The following TRDMT1 variants were observed in gnomAD, a reference collection of about 807,000 sequenced individuals.
TRDMT1 encodes tRNA aspartic acid methyltransferase 1, also known as tRNA (cytosine(38)-C(5))-methyltransferase.
A neutral mutation model predicts 51.2 loss-of-function variants in TRDMT1; 49 were observed. The observed-to-expected ratio is 0.96, with a 90% CI of 0.76 to 1.21. The LOEUF is 1.21. TRDMT1 is among the 50% of genes most tolerant of loss of function. The probability of loss-of-function intolerance (pLI) is 0.00; values close to 1 mark genes in which losing one functional copy is unlikely to be tolerated. For missense variants in TRDMT1, 534 were observed against 462.3 expected, an observed-to-expected ratio of 1.16 and a Z score of -1.42; for synonymous variants, 187 against 164.6, an observed-to-expected ratio of 1.14 and a Z score of -1.04.
At chr10:17,156,327 C>T (rs962643919) in intron 8 of TRDMT1, among the ~76,000 whole-genome samples, 2 of 151,940 alleles carry the variant, frequency 1.3e-5, no homozygotes, top group Non-Finnish European at 1.5e-5. Flanking sequence ...CTCTGCCCCC[C>T]AGATTCAAGC....
At chr10:17,189,724 T>C (rs1310912395) in intron 1 of TRDMT1, among the ~76,000 whole-genome samples, 1 of 152,156 alleles carries the variant, frequency 6.6e-6, no homozygotes, top group Non-Finnish European at 1.5e-5. Context: ...TAATTTAAAA[T>C]CATATGCTAA....
chr10:17,165,316 T>C (rs1015377841), intron 3 of TRDMT1, among the ~76,000 whole-genome samples: 2 of 152,332 alleles, frequency 1.3e-5, no homozygotes, highest in Admixed American at 6.5e-5. Flanking sequence ...TGGCTAGCCA[T>C]ATGTAGAAAG....
chr10:17,171,458 G>A (rs979898852), intron 2 of TRDMT1: 1 of 152,238 alleles, frequency 6.6e-6, no homozygotes, highest in African/African-American at 2.4e-5. Context: ...GGAACCGAGA[G>A]AGTGGCATTG....
chr10:17,192,584 T>C (rs940961012), intron 1 of TRDMT1, among the ~76,000 whole-genome samples: 1 of 152,194 alleles, frequency 6.6e-6, no homozygotes. Context: ...AGGTGTGCTC[T>C]CCTTCCCCGC....
In TRDMT1 at chr10:17,142,345, A is replaced by G. The variant is rs1444383204; in HGVS notation, c.*6695T>C. 2.6e-5 allele frequency: 4 copies of G among 152,080 alleles called. No homozygotes were observed. The highest frequency in any genetic ancestry group is 5.9e-5 in the Non-Finnish European group (4 of 68,016). The allele number at this position is 152,080 out of a possible 1,614,324, so 9.4% of individuals were successfully genotyped here. On this transcript the variant is annotated 3_prime_UTR_variant, in exon 11 of 11. Coordinates refer to ENST00000377799, the MANE Select transcript of TRDMT1 (RefSeq NM_004412.7). Reference sequence around the variant, plus strand: ...TTTTGTGGGCTATGAGTCCAGTGGTAATTTAGTTTTTAAAGCCTTTGCAGT... The same window carrying G: ...TTTTGTGGGCTATGAGTCCAGTGGTGATTTAGTTTTTAAAGCCTTTGCAGT...
chr10:17,180,133 G>C (rs916283831), intron 1 of TRDMT1, among the ~76,000 whole-genome samples: 2 of 152,142 alleles, frequency 1.3e-5, no homozygotes, highest in African/African-American at 2.4e-5. Context: ...ACTGATACAA[G>C]AGAAATGCTC....
chr10:17,178,634 C>T (rs1241669544), intron 1 of TRDMT1, among the ~76,000 whole-genome samples: 2 of 148,200 alleles, frequency 1.3e-5, no homozygotes, highest in Admixed American at 1.3e-4. Flanking sequence ...TGAGATTGCA[C>T]CATTGCACTC....
chr10:17,156,081 G>C (rs73604272), intron 8 of TRDMT1, among the ~76,000 whole-genome samples: 9,853 of 152,062 alleles, frequency 0.065, 1,037 homozygotes, highest in African/African-American at 0.22. Context: ...GAATGACTCT[G>C]GTATGGTTCT....
chr10:17,156,615 A>G (rs957286799), intron 8 of TRDMT1, among the ~76,000 whole-genome samples: 1 of 152,176 alleles, frequency 6.6e-6, no homozygotes, highest in Non-Finnish European at 1.5e-5. Context: ...TGTTCAAGTA[A>G]TAACCCAAAG....
intron 1 of TRDMT1, among the ~76,000 whole-genome samples, chr10:17,193,133 G>A (rs1844920050): frequency 6.6e-6 from 1 of 152,174 alleles, no homozygotes; most frequent in African/African-American, 2.4e-5. Flanking sequence ...GGAGGTTGGG[G>A]TGGGCTGATC....
rs2131361059 is a variant in TRDMT1 at position 17,146,990 on chromosome 10, C to G, written c.*2050G>C. ...ACATTCCCATAATTTAAGAATTCCACTAAGCTACATTCTGTCTACCAGTTT... is the reference window on the plus strand; with the variant it reads ...ACATTCCCATAATTTAAGAATTCCAGTAAGCTACATTCTGTCTACCAGTTT... On this transcript the variant is annotated 3_prime_UTR_variant, in exon 11 of 11. Transcript: ENST00000377799. The G allele has an allele frequency of 1.0e-6, 1 of 985,510 alleles. No homozygotes were observed. Among genetic ancestry groups the G allele is most frequent in the East Asian group, 1.1e-4 (1 of 8,814 alleles). 61.0% of individuals were successfully genotyped at this position (985,510 alleles called of 1,614,324 possible).
rs866766778 is a variant in TRDMT1 at position 17,145,048 on chromosome 10, G to A, written c.*3992C>T. On this transcript the variant is annotated 3_prime_UTR_variant, in exon 11 of 11. Coordinates refer to ENST00000377799, the MANE Select transcript of TRDMT1 (RefSeq NM_004412.7). ...TGGATTAACTTGAGGTCAGGTGTTCGAGACCAGCCTGGCCAACATGGTGAA... is the reference window on the plus strand; with the variant it reads ...TGGATTAACTTGAGGTCAGGTGTTCAAGACCAGCCTGGCCAACATGGTGAA... 1.6e-4 allele frequency: 142 copies of A among 864,276 alleles called. No individual in the cohort carries two copies. Among genetic ancestry groups the A allele is most frequent in the Middle Eastern group, 1.2e-3 (2 of 1,692 alleles). 53.5% of individuals were successfully genotyped at this position (864,276 alleles called of 1,614,324 possible). A position where few individuals can be genotyped will look rare whatever the true frequency, so the allele number is the denominator to read the frequency against.
At chr10:17,159,464 T>C (rs896142905) in intron 6 of TRDMT1, among the ~76,000 whole-genome samples, 2 of 152,154 alleles carry the variant, frequency 1.3e-5, no homozygotes, top group Non-Finnish European at 2.9e-5. Flanking sequence ...GACAAATATA[T>C]CTACAAGTCA....
intron 2 of TRDMT1, among the ~76,000 whole-genome samples, chr10:17,173,252 AC>A (rs1378026554): frequency 3.3e-5 from 5 of 152,202 alleles, no homozygotes; most frequent in Non-Finnish European, 7.3e-5. Context: ...TTGCAACTTT[AC>A]TTGTAATGGT....
At chr10:17,191,138 G>A (rs1844629154) in intron 1 of TRDMT1, among the ~76,000 whole-genome samples, 1 of 152,146 alleles carries the variant, frequency 6.6e-6, no homozygotes, top group Admixed American at 6.5e-5. Flanking sequence ...GGAGGCCAGG[G>A]AGCCTGGAGT....
At chr10:17,162,958 T>G (rs1250880084) in intron 3 of TRDMT1, among the ~76,000 whole-genome samples, 1 of 152,204 alleles carries the variant, frequency 6.6e-6, no homozygotes, top group Admixed American at 6.5e-5. Context: ...GCTGGCTGAC[T>G]ACACTTTTTG....
intron 8 of TRDMT1, among the ~76,000 whole-genome samples, chr10:17,155,574 T>C (rs1259639069): frequency 6.6e-6 from 1 of 152,126 alleles, no homozygotes; most frequent in Non-Finnish European, 1.5e-5. Context: ...TTATGATCAC[T>C]TTCATACAAC....
intron 1 of TRDMT1, among the ~76,000 whole-genome samples, chr10:17,193,080 G>A (rs1193418687): frequency 6.6e-6 from 1 of 152,058 alleles, no homozygotes; most frequent in East Asian, 1.9e-4. Context: ...AAGAAATAAA[G>A]GAGCCAGGCA....
At chr10:17,196,243 G>C (rs1323095264) in intron 1 of TRDMT1, among the ~76,000 whole-genome samples, 1 of 152,182 alleles carries the variant, frequency 6.6e-6, no homozygotes, top group Admixed American at 6.5e-5. Context: ...AAGTATTATG[G>C]GGTAAAACTC....
Sources: gnomAD v4.1 joint callset for allele counts (sites outside exome capture counted in the v4.1 genomes callset) on GRCh38, gnomAD v4.1.1 for gene constraint, MANE v1.5 for transcripts, NCBI Gene and HGNC (gene_info 2026-07-23, HGNC 2026-07-21) for gene names.